RBBP8: variants seen among roughly 807,000 people sequenced by gnomAD.
RBBP8 encodes DNA endonuclease RBBP8.
In RBBP8, 88 loss-of-function variants were observed where a neutral mutation model predicts 108.3. That is an observed-to-expected ratio of 0.81 (90% CI 0.68 to 0.97). The LOEUF (loss-of-function observed/expected upper bound fraction) is 0.97. RBBP8 is among the 50% of genes least tolerant of loss of function. The pLI is 0.00. For missense variants in RBBP8, 1,023 were observed against 1,049.0 expected (o/e 0.98, Z 0.34); for synonymous variants, 332 against 348.2 (o/e 0.95, Z 0.52).
upstream of RBBP8, among the ~76,000 whole-genome samples, chr18:22,933,142 T>A (rs906318629): frequency 3.0e-4 from 46 of 152,188 alleles, no homozygotes; most frequent in Non-Finnish European, 1.3e-4. Context: ...CCAGCGCAAT[T>A]CAGAAATGCT....
At chr18:22,975,303 T>C in intron 6 of RBBP8, 84 bp downstream of exon 6, 3 of 1,541,262 alleles carry the variant, frequency 1.9e-6, no homozygotes, top group Non-Finnish European at 2.6e-6. Flanking sequence ...GCAGATTTCA[T>C]TTTAAAAATT....
chr18:22,932,041 G>C (rs895641672), upstream of RBBP8, among the ~76,000 whole-genome samples: 4 of 152,132 alleles, frequency 2.6e-5, no homozygotes, highest in African/African-American at 9.7e-5. Flanking sequence ...TACATGTTTA[G>C]TAAGTAAAAT....
chr18:22,983,650 C>A (rs796100475), intron 7 of RBBP8, among the ~76,000 whole-genome samples: 14 of 48,334 alleles, frequency 2.9e-4, no homozygotes, highest in East Asian at 6.6e-4. Flanking sequence ...TGGTTTATTT[C>A]TTCTTTGTAT....
intron 2 of RBBP8, among the ~76,000 whole-genome samples, chr18:22,937,603 C>T (rs1193021395): frequency 6.6e-6 from 1 of 151,416 alleles, no homozygotes; most frequent in East Asian, 1.9e-4. Context: ...GAGCCTCCCT[C>T]CTGTAGTTGG....
chr18:22,976,424 C>T (rs558315898), intron 6 of RBBP8, among the ~76,000 whole-genome samples: 1 of 152,196 alleles, frequency 6.6e-6, no homozygotes, highest in Non-Finnish European at 1.5e-5. Flanking sequence ...AATTCCAAAA[C>T]CCAAAAGGTT....
At position 23,026,427 on chromosome 18, in the gene RBBP8, A is replaced by G; in HGVS notation, c.*187A>G. On this transcript the variant is annotated 3_prime_UTR_variant, in exon 19 of 19. Coordinates refer to ENST00000327155, the MANE Select transcript of RBBP8 (RefSeq NM_002894.3). ...AAACAATAAGGCGCTTTCATTTTGCACTCTAACTTAAGAGTTTTTACTTTA... is the reference window on the plus strand; with the variant it reads ...AAACAATAAGGCGCTTTCATTTTGCGCTCTAACTTAAGAGTTTTTACTTTA... 2 of 564,908 alleles carry G rather than the reference A, an allele frequency of 3.5e-6. No individual in the cohort carries two copies. Among genetic ancestry groups the G allele is most frequent in the Non-Finnish European group, 6.4e-6 (2 of 312,474 alleles). The allele number at this position is 564,908 out of a possible 1,614,324, so 35.0% of individuals were successfully genotyped here. A position where few individuals can be genotyped will look rare whatever the true frequency, so the allele number is the denominator to read the frequency against.
At chr18:23,010,529 C>G (rs2046138918) in intron 16 of RBBP8, among the ~76,000 whole-genome samples, 2 of 151,762 alleles carry the variant, frequency 1.3e-5, no homozygotes, top group African/African-American at 2.4e-5. Flanking sequence ...CCCAGGAAGT[C>G]AAGGCTGCAG....
At chr18:22,937,160 A>C in intron 2 of RBBP8, 200 bp downstream of exon 2, 1 of 1,114,004 alleles carries the variant, frequency 9.0e-7, no homozygotes. Context: ...GGTAGTGAGC[A>C]TGGTACCCCA....
At chr18:22,924,599 T>A (rs1475517610) in intron 3 of RBBP8, among the ~76,000 whole-genome samples, 8 of 152,098 alleles carry the variant, frequency 5.3e-5, no homozygotes, top group Admixed American at 3.3e-4. Flanking sequence ...TTGTTTTTAT[T>A]TTTTATAGAA....
chr18:23,025,238 G>C (rs768806374), intron 18 of RBBP8, among the ~76,000 whole-genome samples: 5 of 152,180 alleles, frequency 3.3e-5, no homozygotes, highest in Non-Finnish European at 7.3e-5. Context: ...CTGGGCAACA[G>C]AGCAAGACCC....
At position 22,993,295 on chromosome 18, in the gene RBBP8, C is replaced by T; in HGVS notation, c.1468C>T (p.Pro490Ser). ...SMNGDCVMDK[P>S]LDLSDRFSAI... Reference sequence around the variant, plus strand: ...GAATGGAGACTGTGTGATGGATAAACCTCTGGATCTGTCTGATCGATTTTC... The same window carrying T: ...GAATGGAGACTGTGTGATGGATAAATCTCTGGATCTGTCTGATCGATTTTC... Residue 490 changes from proline to serine, a missense_variant, in exon 11 of 19, where the codon CCT becomes TCT. Transcript: ENST00000327155. The T allele has an allele frequency of 6.2e-7, 1 of 1,614,188 alleles. No homozygotes were observed. The highest frequency in any genetic ancestry group is 8.5e-7 in the Non-Finnish European group (1 of 1,180,014).
At chr18:22,991,259 C>T in intron 10 of RBBP8, among the ~76,000 whole-genome samples, 1 of 152,290 alleles carries the variant, frequency 6.6e-6, no homozygotes, top group Non-Finnish European at 1.5e-5. Flanking sequence ...TTTTTAGCTA[C>T]TTTCTGTGTT....
At chr18:22,954,862 T>C (rs1912372214) in intron 4 of RBBP8, among the ~76,000 whole-genome samples, 1 of 152,030 alleles carries the variant, frequency 6.6e-6, no homozygotes, top group Admixed American at 6.5e-5. Context: ...TATGAAACCA[T>C]CAGATCTCGT....
chr18:23,008,641 A>C (rs1214228148), intron 16 of RBBP8, among the ~76,000 whole-genome samples: 2 of 152,012 alleles, frequency 1.3e-5, no homozygotes, highest in African/African-American at 4.8e-5. Context: ...TTTTTCTTGG[A>C]GCCCTAGTTC....
intron 16 of RBBP8, among the ~76,000 whole-genome samples, chr18:23,009,264 C>T (rs1466685550): frequency 2.0e-5 from 3 of 151,940 alleles, no homozygotes; most frequent in Non-Finnish European, 4.4e-5. Context: ...ACACATAAAG[C>T]AGTTTCAGAA....
chr18:22,982,631 A>G (rs912545321), intron 7 of RBBP8, among the ~76,000 whole-genome samples: 2 of 152,190 alleles, frequency 1.3e-5, no homozygotes, highest in Non-Finnish European at 2.9e-5. Flanking sequence ...AAATGTAGTA[A>G]ATAGTTTCTT....
intron 6 of RBBP8, among the ~76,000 whole-genome samples, chr18:22,981,183 G>A (rs567767932): frequency 6.6e-6 from 1 of 151,310 alleles, no homozygotes; most frequent in South Asian, 2.1e-4. Context: ...TGTTAGCCAG[G>A]ATGGTCTCGA....
chr18:23,006,235 C>A, intron 15 of RBBP8, 128 bp from the exon 16 acceptor site: 1 of 785,494 alleles, frequency 1.3e-6, no homozygotes, highest in Non-Finnish European at 2.1e-6. Flanking sequence ...AAATGAGTTG[C>A]TCAGAGGCCT....
At chr18:22,924,417 GC>G (rs1909715682) in intron 3 of RBBP8, among the ~76,000 whole-genome samples, 2 of 152,052 alleles carry the variant, frequency 1.3e-5, no homozygotes, top group South Asian at 4.2e-4. Flanking sequence ...ATGGGCCACT[GC>G]CCCCAGCCAA....
Sources: gnomAD v4.1 joint callset for allele counts (sites outside exome capture counted in the v4.1 genomes callset) on GRCh38, gnomAD v4.1.1 for gene constraint, MANE v1.5 for transcripts, NCBI Gene and HGNC (gene_info 2026-07-23, HGNC 2026-07-21) for gene names.